MEGF11: variants seen among roughly 807,000 people sequenced by gnomAD.
MEGF11 encodes multiple EGF like domains 11.
Under a neutral mutation model 146.6 loss-of-function variants are expected in MEGF11, and 126 were observed. The observed-to-expected ratio is 0.86, with a 90% CI of 0.74 to 1.00. The LOEUF is 1.00. Among genes scored for constraint, MEGF11 ranks in the 50% least tolerant of loss-of-function variants. The pLI, the probability that MEGF11 is intolerant of heterozygous loss-of-function variation, is 0.00. For missense variants in MEGF11, 1,509 were observed against 1,521.2 expected (o/e 0.99, Z 0.13); for synonymous variants, 532 against 583.4 (o/e 0.91, Z 1.27).
intron 5 of MEGF11, among the ~76,000 whole-genome samples, chr15:65,990,724 A>AAAGAAAGGAAGGAAGAAAGG: frequency 6.8e-6 from 1 of 147,746 alleles, no homozygotes; most frequent in South Asian, 2.1e-4. Context: ...AGAAAGAAAG[A>AAAGAAAGGAAGGAAGAAAGG]AAGAAAGAAA....
chr15:65,901,050 A>G (rs2078483303), intron 24 of MEGF11, among the ~76,000 whole-genome samples: 1 of 152,100 alleles, frequency 6.6e-6, no homozygotes, highest in Non-Finnish European at 1.5e-5. Flanking sequence ...GTGTATGGAG[A>G]CCCCATGTGC....
intron 5 of MEGF11, among the ~76,000 whole-genome samples, chr15:66,066,921 C>T (rs939228224): frequency 1.3e-4 from 20 of 152,180 alleles, no homozygotes; most frequent in African/African-American, 3.9e-4. Flanking sequence ...GCCTGTCACC[C>T]ACAATTGATT....
At chr15:66,025,514 G>A (rs1193048463) in intron 5 of MEGF11, among the ~76,000 whole-genome samples, 2 of 151,990 alleles carry the variant, frequency 1.3e-5, no homozygotes, top group East Asian at 1.9e-4. Flanking sequence ...CGGTGGAGTC[G>A]GACTTTTGCT....
chr15:66,117,080 G>T (rs2087765030), intron 4 of MEGF11, among the ~76,000 whole-genome samples: 1 of 152,234 alleles, frequency 6.6e-6, no homozygotes, highest in Non-Finnish European at 1.5e-5. Context: ...TCATAGGGCT[G>T]TTGGGAGCAG....
chr15:66,182,859 C>G (rs181509814), intron 1 of MEGF11, among the ~76,000 whole-genome samples: 1 of 152,278 alleles, frequency 6.6e-6, no homozygotes, highest in East Asian at 1.9e-4. Context: ...CAGGTTCCAC[C>G]CACGGGGATG....
chr15:65,947,782 A>G (rs1416620277), intron 10 of MEGF11, among the ~76,000 whole-genome samples: 1 of 152,200 alleles, frequency 6.6e-6, no homozygotes, highest in East Asian at 1.9e-4. Context: ...TACTTAAAGC[A>G]TAGATGCCGC....
chr15:65,962,285 A>G (rs928255439), intron 9 of MEGF11, among the ~76,000 whole-genome samples: 1 of 152,186 alleles, frequency 6.6e-6, no homozygotes, highest in African/African-American at 2.4e-5. Flanking sequence ...GCGCAGCACG[A>G]GAGAGTTCAT....
intron 9 of MEGF11, among the ~76,000 whole-genome samples, chr15:65,962,696 T>C (rs903477769): frequency 2.0e-5 from 3 of 152,176 alleles, no homozygotes; most frequent in African/African-American, 7.2e-5. Context: ...CAGGGACTCC[T>C]CTTACTGAAG....
At chr15:66,149,726 C>T (rs1352171015) in intron 1 of MEGF11, among the ~76,000 whole-genome samples, 2 of 151,864 alleles carry the variant, frequency 1.3e-5, no homozygotes, top group African/African-American at 4.8e-5. Flanking sequence ...GAGCCTGGCC[C>T]ACTCATAAAT....
chr15:66,242,116 G>A (rs1216723007), intron 1 of MEGF11, among the ~76,000 whole-genome samples: 1 of 152,142 alleles, frequency 6.6e-6, no homozygotes, highest in Non-Finnish European at 1.5e-5. Context: ...GCACTAACAA[G>A]TAGGGGCAAG....
In MEGF11 at chr15:66,015,060, C is replaced by A. The variant is rs367996940; in HGVS notation, c.395-32572G>T. Among the ~76,000 whole-genome samples the A allele has an allele frequency of 3.3e-5, 5 of 152,140 alleles. No homozygotes were observed. In the South Asian group the frequency reaches 1.0e-3, roughly 31 times the overall value. On this transcript the variant is annotated intron_variant, in intron 5 of 25. Transcript: ENST00000395614. ...TTTCAAGCTTATCAACATGACGTAA[C>A]AAAACATGAAGTTGCAAAGAGATGT...
intron 5 of MEGF11, among the ~76,000 whole-genome samples, chr15:66,079,564 A>C (rs2085755277): frequency 1.5e-5 from 2 of 137,022 alleles, no homozygotes; most frequent in East Asian, 2.3e-4. Context: ...CCCCGCCAAA[A>C]CTCAGGGCTT....
At position 66,203,348 on chromosome 15, in the gene MEGF11, A is replaced by C. The variant is rs949571149; in HGVS notation, c.-9+50257T>G. Among the ~76,000 whole-genome samples the C allele has an allele frequency of 2.6e-5, 4 of 152,294 alleles. No homozygotes were observed. In the South Asian group the frequency reaches 8.3e-4, roughly 32 times the overall value. On this transcript the variant is annotated intron_variant, in intron 1 of 25. Coordinates refer to ENST00000395614, the MANE Select transcript of MEGF11 (RefSeq NM_001385028.1). ...GAAGGGAAAAGTCACTTTGAATTGC[A>C]CCCACCACTCTGGCTTCTCAAGAAA...
At chr15:66,112,889 C>G (rs910746375) in intron 4 of MEGF11, among the ~76,000 whole-genome samples, 1 of 152,172 alleles carries the variant, frequency 6.6e-6, no homozygotes, top group Non-Finnish European at 1.5e-5. Flanking sequence ...ACTCATAGAC[C>G]TTCCCTGAAA....
chr15:66,203,655 C>G (rs531158399), intron 1 of MEGF11, among the ~76,000 whole-genome samples: 1 of 152,180 alleles, frequency 6.6e-6, no homozygotes, highest in South Asian at 2.1e-4. Context: ...CTCCTTTCTA[C>G]CCTCTCCACC....
intron 1 of MEGF11, among the ~76,000 whole-genome samples, chr15:66,148,467 G>A (rs908880267): frequency 1.3e-5 from 2 of 152,182 alleles, no homozygotes; most frequent in African/African-American, 4.8e-5. Context: ...AGGAAAGAGG[G>A]ATCAGACAGG....
intron 5 of MEGF11, among the ~76,000 whole-genome samples, chr15:66,062,252 C>A (rs1405034448): frequency 1.3e-5 from 2 of 152,244 alleles, no homozygotes; most frequent in African/African-American, 4.8e-5. Context: ...ATGGGCTGAA[C>A]TTATAACTTG....
Position 66,094,494 on chromosome 15 carries a change from G to A in MEGF11, c.302C>T (p.Pro101Leu), listed in dbSNP as rs2086455094. The A allele has an allele frequency of 6.4e-7, 1 of 1,559,006 alleles. No individual in the cohort carries two copies. The highest frequency in any genetic ancestry group is 8.7e-7 in the Non-Finnish European group (1 of 1,150,870). ...GTGCACACACTCCTCCGTACACAGG[G>A]CTGAGGGGACATGGGGAGAGGGAGG... ...GYYESGDFCI[P>L]LCTEECVHGR... The change falls in exon 5 of 26, where the codon CCC becomes CTC. Residue 101 changes from proline to leucine, a missense_variant and splice_region_variant. Pro to Leu is a moderately conservative substitution (Grantham distance 98). Transcript: ENST00000395614.
chr15:65,915,458 C>T lies in MEGF11; in HGVS notation c.2473+12G>A, dbSNP rs765607915. 12 of 1,613,196 alleles carry T rather than the reference C, an allele frequency of 7.4e-6. No individual in the cohort carries two copies. The highest frequency in any genetic ancestry group is 3.3e-5 in the Admixed American group (2 of 59,992). On this transcript the variant is annotated intron_variant, in intron 19 of 25. Coordinates refer to ENST00000395614, the MANE Select transcript of MEGF11 (RefSeq NM_001385028.1). ...TTCCACAGACCCCGGGGCTCTGCCA[C>T]GTGTGTATTACCTTGGTCACACCTG... is the stretch of plus-strand genomic sequence containing the variant.
Sources: allele counts gnomAD v4.1 joint callset (sites outside exome capture counted in the v4.1 genomes callset), GRCh38; gene constraint gnomAD v4.1.1; transcripts MANE v1.5; gene names NCBI Gene and HGNC (gene_info 2026-07-23, HGNC 2026-07-21).